Variants in PTCH2 observed in about 807,000 individuals in gnomAD.
The protein encoded by PTCH2 is protein patched homolog 2.
Under a neutral mutation model 117.9 loss-of-function variants are expected in PTCH2, and 96 were observed. The observed-to-expected ratio is 0.81, with a 90% CI of 0.69 to 0.96. The LOEUF is 0.96. PTCH2 is among the 50% of genes least tolerant of loss of function. The pLI, the probability that PTCH2 is intolerant of heterozygous loss-of-function variation, is 0.00. For synonymous variants in PTCH2, 615 were observed against 660.9 expected (o/e 0.93, Z 1.06); for missense variants, 1,379 against 1,562.5 (o/e 0.88, Z 1.98).
At chr1:44,832,371 G>A (rs776793183) in intron 2 of PTCH2, 30 bp from the exon 3 acceptor site, 1 of 1,612,534 alleles carries the variant, frequency 6.2e-7, no homozygotes, top group South Asian at 1.1e-5. Context: ...AAGCTGGGGG[G>A]GAAAGGGCCT....
At chr1:44,841,240 T>C (rs1653937317) in intron 2 of PTCH2, among the ~76,000 whole-genome samples, 2 of 149,528 alleles carry the variant, frequency 1.3e-5, no homozygotes, top group South Asian at 4.3e-4. Context: ...TCTTTTATGC[T>C]TCCTTAAGAA....
At chr1:44,822,754 T>G in intron 21 of PTCH2, 85 bp from the exon 22 acceptor site, 1 of 1,427,388 alleles carries the variant, frequency 7.0e-7, no homozygotes. Flanking sequence ...TTACCATGAC[T>G]GTTGGGAAGC....
At chr1:44,842,286 TTTTTTTTTTTTGA>T (rs1653985167) in intron 1 of PTCH2, among the ~76,000 whole-genome samples, 1 of 63,376 alleles carries the variant, frequency 1.6e-5, no homozygotes, top group South Asian at 4.9e-4. Context: ...TTTTTTTTTT[TTTTTTTTTTTTGA>T]GACGCAGTCT....
chr1:44,822,593 GC>G lies in PTCH2; in HGVS notation c.3433del (p.Ala1145HisfsTer12). The G allele has an allele frequency of 1.2e-6, 2 of 1,614,016 alleles. No individual in the cohort carries two copies. The highest frequency in any genetic ancestry group is 1.7e-6 in the Non-Finnish European group (2 of 1,179,960). ...AAAGCTCTGGGGCAGGGAGGAGGAT[GC>G]CCCCCACCTAAGCCCGCCTCCCTGT... is the stretch of plus-strand genomic sequence containing the variant. ...APQGGGLRWG[A>X]SSSLPQSFAR... On this transcript the variant is annotated frameshift_variant, in exon 22 of 22. Coordinates refer to ENST00000372192, the MANE Select transcript of PTCH2 (RefSeq NM_003738.5). LOFTEE classifies it high-confidence loss of function.
In PTCH2 at chr1:44,826,601, C is replaced by G; in HGVS notation, c.2863G>C (p.Glu955Gln). Residue 955 changes from glutamate (E) to glutamine (Q), a missense_variant, in exon 18 of 22, where the codon GAA becomes CAA. Coordinates refer to ENST00000372192, the MANE Select transcript of PTCH2 (RefSeq NM_003738.5). This position sits in a 1 kb window ranked among gnomAD's most constrained non-coding sequence, Gnocchi z 5.1. ...YPSGSPFLFW[E>Q]QYLGLRRCFL... ...CAGCGCCGCAGGCCCAGATACTGTT[C>G]CCAGAAGAGGAAGGGGGAGCCGCTG... 6.2e-7 allele frequency: 1 copy of G among 1,613,380 alleles called. No homozygotes were observed. The highest frequency in any genetic ancestry group is 8.5e-7 in the Non-Finnish European group (1 of 1,180,020).
In PTCH2 at chr1:44,829,221, G is replaced by A. The variant is rs753185169; in HGVS notation, c.1307C>T (p.Ala436Val). ...GLAGVLLVAL[A>V]VASGLGLCAL... ...ACAGAGCCCAAGGCCTGAGGCCACC[G>A]CCAGGGCCACCAGCAGTACCCCGGC... The change falls in exon 10 of 22, where the codon GCG (alanine) becomes GTG (valine). Residue 436 changes from alanine (A) to valine (V), a missense_variant. Physicochemically the swap from Ala to Val is moderately conservative, Grantham distance 64. Coordinates refer to ENST00000372192, the MANE Select transcript of PTCH2 (RefSeq NM_003738.5). 2.4e-5 allele frequency: 39 copies of A among 1,613,378 alleles called. No homozygotes were observed. In the East Asian group the frequency reaches 3.8e-4, roughly 16 times the overall value.
rs1654028442 is a variant in PTCH2 at position 44,843,168 on chromosome 1, C to T, written c.-236G>A. On this transcript the variant is annotated 5_prime_UTR_variant, in exon 1 of 22. Coordinates refer to ENST00000372192, the MANE Select transcript of PTCH2 (RefSeq NM_003738.5). ...ATTCACCCGCTCCGTGGGCCGTGGG[C>T]CGCGGCGGCTGGAGGAGGAATGGGT... 2 of 1,258,566 alleles carry T rather than the reference C, an allele frequency of 1.6e-6. No homozygotes were observed. The highest frequency in any genetic ancestry group is 1.6e-5 in the African/African-American group (1 of 63,592). 78.0% of individuals were successfully genotyped at this position (1,258,566 alleles called of 1,614,324 possible). A position where few individuals can be genotyped will look rare whatever the true frequency, so the allele number is the denominator to read the frequency against.
Position 44,823,999 on chromosome 1 carries a change from T to C in PTCH2, c.3115-614A>G, listed in dbSNP as rs139050361. Among the ~76,000 whole-genome samples the C allele has an allele frequency of 3.3e-5, 5 of 152,324 alleles. No homozygotes were observed. The highest frequency in any genetic ancestry group is 5.9e-5 in the Non-Finnish European group (4 of 68,042). On this transcript the variant is annotated intron_variant, in intron 19 of 21. Coordinates refer to ENST00000372192, the MANE Select transcript of PTCH2 (RefSeq NM_003738.5). This position sits in a 1 kb window ranked among gnomAD's most constrained non-coding sequence, Gnocchi z 5.1. Reference sequence around the variant, plus strand: ...GGCAAACTACAGCCTGTCACTTGTTTTGTAAATGAAATTTTGTTGAAACAG... The same window carrying C: ...GGCAAACTACAGCCTGTCACTTGTTCTGTAAATGAAATTTTGTTGAAACAG...
At position 44,832,355 on chromosome 1, in the gene PTCH2, CAG is replaced by C. The variant is rs756782903; in HGVS notation, c.266-16_266-15del. ...CCCGGCTGCCCACTGCCAGAGCAAA[CAG>C]AGAAAGCTGGGGGGGAAAGGGCCTA... On this transcript the variant is annotated splice_polypyrimidine_tract_variant and intron_variant, in intron 2 of 21. Transcript: ENST00000372192. The C allele has an allele frequency of 1.1e-4, 175 of 1,613,570 alleles. No individual in the cohort carries two copies. Among genetic ancestry groups the C allele is most frequent in the Non-Finnish European group, 1.6e-5 (19 of 1,179,982 alleles).
Position 44,842,979 on chromosome 1 carries a change from G to T in PTCH2, c.-47C>A, listed in dbSNP as rs1229366537. On this transcript the variant is annotated 5_prime_UTR_variant, in exon 1 of 22. Coordinates refer to ENST00000372192, the MANE Select transcript of PTCH2 (RefSeq NM_003738.5). Reference sequence around the variant, plus strand: ...GGGCGCCCCCAACCCGCGTTATCTGGGCGCTCCCATAGGCTAGCCCGGTCT... The same window carrying T: ...GGGCGCCCCCAACCCGCGTTATCTGTGCGCTCCCATAGGCTAGCCCGGTCT... The T allele has an allele frequency of 6.6e-7, 1 of 1,511,126 alleles. No homozygotes were observed. Among genetic ancestry groups the T allele is most frequent in the East Asian group, 2.5e-5 (1 of 40,622 alleles). The allele number at this position is 1,511,126 out of a possible 1,614,324, so 93.6% of individuals were successfully genotyped here.
rs2148877113 is a variant in PTCH2 at position 44,829,179 on chromosome 1, G to A, written c.1349C>T (p.Thr450Ile). The A allele has an allele frequency of 6.2e-7, 1 of 1,613,756 alleles. No individual in the cohort carries two copies. Among genetic ancestry groups the A allele is most frequent in the Non-Finnish European group, 8.5e-7 (1 of 1,180,038 alleles). The change falls in exon 10 of 22, where the codon ACC becomes ATC. Residue 450 changes from threonine (T) to isoleucine (I), a missense_variant. Transcript: ENST00000372192. Reference sequence around the variant, plus strand: ...TACCTGGGTAGTGGCAGCATTGAAGGTGATGCCGAGCAGGGCACAGAGCCC... The same window carrying A: ...TACCTGGGTAGTGGCAGCATTGAAGATGATGCCGAGCAGGGCACAGAGCCC... ...GLGLCALLGI[T>I]FNAATTQVLP...
chr1:44,830,437 TG>T lies in PTCH2; in HGVS notation c.814-408del, dbSNP rs1248459824. Among the ~76,000 whole-genome samples the T allele has an allele frequency of 2.6e-5, 4 of 151,910 alleles. No homozygotes were observed. In the East Asian group the frequency reaches 7.7e-4, roughly 29 times the overall value. Reference sequence around the variant, plus strand: ...GCTCACGCCTGTAATCCCAGCACTTTGGGAGGCTAATAAAAATTAGCCGGGC... The same window carrying T: ...GCTCACGCCTGTAATCCCAGCACTTTGGAGGCTAATAAAAATTAGCCGGGC... On this transcript the variant is annotated intron_variant, in intron 6 of 21. Coordinates refer to ENST00000372192, the MANE Select transcript of PTCH2 (RefSeq NM_003738.5).
At chr1:44,820,022 C>T (rs962647416), downstream of PTCH2, 2 of 160,068 alleles carry the variant, frequency 1.2e-5, no homozygotes, top group African/African-American at 4.8e-5. Context: ...CTTCGAACCT[C>T]GCAGGGAGAA....
At chr1:44,828,720 T>G in intron 11 of PTCH2, 89 bp from the exon 12 acceptor site, 1 of 1,540,292 alleles carries the variant, frequency 6.5e-7, no homozygotes, top group Non-Finnish European at 8.8e-7. Context: ...GAACTTGGGG[T>G]GCAGAGGTGG....
rs1557645609 is a variant in PTCH2 at position 44,829,201 on chromosome 1, G to A, written c.1327C>T (p.Leu443Phe). The A allele has an allele frequency of 1.2e-6, 2 of 1,613,632 alleles. No homozygotes were observed. Among genetic ancestry groups the A allele is most frequent in the Non-Finnish European group, 1.7e-6 (2 of 1,180,034 alleles). The change falls in exon 10 of 22, where the codon CTC (leucine) becomes TTC (phenylalanine). Residue 443 changes from leucine (L) to phenylalanine (F), a missense_variant. By Grantham distance (22) the Leu-to-Phe change is conservative (BLOSUM62 0). Coordinates refer to ENST00000372192, the MANE Select transcript of PTCH2 (RefSeq NM_003738.5). ...AAGGTGATGCCGAGCAGGGCACAGA[G>A]CCCAAGGCCTGAGGCCACCGCCAGG... ...VALAVASGLG[L>F]CALLGITFNA...
intron 2 of PTCH2, among the ~76,000 whole-genome samples, chr1:44,834,122 C>CTTTTT (rs10695694): frequency 7.1e-6 from 1 of 141,014 alleles, no homozygotes; most frequent in Non-Finnish European, 1.5e-5. Context: ...AGTTCCTTCC[C>CTTTTT]TTTTTTTTTT....
chr1:44,841,865 C>T lies in PTCH2; in HGVS notation c.247G>A (p.Glu83Lys), dbSNP rs781204167. The stretch of plus-strand genomic sequence containing the variant: ...AACTTACCTTCTACCCAGAGCTGTT[C>T]CAAGTTTGTCTCAATAATGGCCATG... The part of the protein sequence containing the change: ...LRMAIIETNL[E>K]QLWVEVGSRV... The change falls in exon 2 of 22, where the codon GAA becomes AAA. Residue 83 changes from glutamate (E) to lysine (K), a missense_variant. Physicochemically the swap from Glu to Lys is moderately conservative, Grantham distance 56 (BLOSUM62 1). Transcript: ENST00000372192. 23 of 1,614,064 alleles carry T rather than the reference C, an allele frequency of 1.4e-5. No homozygotes were observed. The South Asian group carries it at 1.5e-4, about 11-fold the overall frequency.
chr1:44,828,979 C>T lies in PTCH2; in HGVS notation c.1464+3G>A. Reference sequence around the variant, plus strand: ...AGATGAGCCCTGGGGGACAAGGCCCCACCTGGAGAGGGGTGCCAGGCAGAG... The same window carrying T: ...AGATGAGCCCTGGGGGACAAGGCCCTACCTGGAGAGGGGTGCCAGGCAGAG... On this transcript the variant is annotated splice_donor_region_variant and intron_variant, in intron 11 of 21. Coordinates refer to ENST00000372192, the MANE Select transcript of PTCH2 (RefSeq NM_003738.5). 4 of 1,554,480 alleles carry T rather than the reference C, an allele frequency of 2.6e-6. No individual in the cohort carries two copies. The highest frequency in any genetic ancestry group is 3.5e-6 in the Non-Finnish European group (4 of 1,148,554).
chr1:44,828,248 C>G (rs367785084), intron 13 of PTCH2, 48 bp downstream of exon 13: 1 of 1,612,768 alleles, frequency 6.2e-7, no homozygotes. Context: ...GGTGAGGGGA[C>G]AGGCTGGCGT....
Sources: allele counts gnomAD v4.1 joint callset (sites outside exome capture counted in the v4.1 genomes callset), GRCh38; gene constraint gnomAD v4.1.1; non-coding constraint Gnocchi (gnomAD v3.1); transcripts MANE v1.5; gene names NCBI Gene and HGNC (gene_info 2026-07-23, HGNC 2026-07-21).